Variants in JMJD1C observed in about 807,000 individuals in gnomAD.
The protein encoded by JMJD1C is jumonji domain containing 1C, also known as jumonji domain-containing protein 1C.
JMJD1C carries 31 observed loss-of-function variants against 245.3 expected under a neutral mutation model. The observed-to-expected ratio is 0.13, with a 90% CI of 0.09 to 0.17. The LOEUF is 0.17. JMJD1C is among the 10% of genes least tolerant of loss of function. JMJD1C has a pLI of 1.00. For missense variants in JMJD1C, 2,691 were observed against 3,000.2 expected (o/e 0.90, Z 2.41); for synonymous variants, 1,057 against 1,017.4 (o/e 1.04, Z -0.74).
chr10:63,380,474 C>T lies in JMJD1C; in HGVS notation c.177G>A (p.Val59=). Residue 59 remains valine (V), a synonymous_variant, in exon 2 of 26, where the codon GTG becomes GTA. Coordinates refer to ENST00000399262, the MANE Select transcript of JMJD1C (RefSeq NM_032776.3). ...DSRNPDLAVY[V]EFDDLEWDKR... ...TATCCCATTCAAGATCATCAAATTCCACATACACCTATGAAAACAAAAACA... is the reference window on the plus strand; with the variant it reads ...TATCCCATTCAAGATCATCAAATTCTACATACACCTATGAAAACAAAAACA... 6.2e-7 allele frequency: 1 copy of T among 1,609,460 alleles called. No homozygotes were observed. The highest frequency in any genetic ancestry group is 8.5e-7 in the Non-Finnish European group (1 of 1,178,278).
chr10:63,516,520 T>C (rs936794417), intron 1 of JMJD1C, among the ~76,000 whole-genome samples: 3 of 152,228 alleles, frequency 2.0e-5, no homozygotes, highest in Non-Finnish European at 4.4e-5. Context: ...ATTTAATCTA[T>C]TCTATTTTAA....
At chr10:63,440,365 TAGAGAGAG>T (rs56364516) in intron 1 of JMJD1C, among the ~76,000 whole-genome samples, 3 of 138,250 alleles carry the variant, frequency 2.2e-5, no homozygotes, top group African/African-American at 2.7e-5. Flanking sequence ...TATATATATA[TAGAGAGAG>T]AGAGAGAGAG....
chr10:63,354,092 G>A (rs1944598138), intron 2 of JMJD1C, among the ~76,000 whole-genome samples: 1 of 152,120 alleles, frequency 6.6e-6, no homozygotes, highest in South Asian at 2.1e-4. Flanking sequence ...GCCCGCCTTG[G>A]CCTCCCAAAG....
At chr10:63,259,382 A>G (rs958444564) in intron 3 of JMJD1C, among the ~76,000 whole-genome samples, 1 of 152,072 alleles carries the variant, frequency 6.6e-6, no homozygotes, top group Non-Finnish European at 1.5e-5. Context: ...GCAATTCCAA[A>G]TGCCATAGGA....
chr10:63,338,578 G>A (rs1200701702), intron 2 of JMJD1C, among the ~76,000 whole-genome samples: 1 of 150,800 alleles, frequency 6.6e-6, no homozygotes, highest in Non-Finnish European at 1.5e-5. Context: ...GACTACACAT[G>A]CTACATTAGC....
At chr10:63,519,895 T>C (rs1052282062) in intron 1 of JMJD1C, among the ~76,000 whole-genome samples, 1 of 152,198 alleles carries the variant, frequency 6.6e-6, no homozygotes, top group Non-Finnish European at 1.5e-5. Context: ...ATATTCAAAT[T>C]CATTTGAGTT....
intron 2 of JMJD1C, among the ~76,000 whole-genome samples, chr10:63,342,902 T>C (rs528274571): frequency 4.3e-4 from 66 of 152,306 alleles, no homozygotes; most frequent in Middle Eastern, 3.4e-3. Flanking sequence ...AGGTTATGTA[T>C]ATAAGGTGTA....
Position 63,493,416 on chromosome 10 carries a change from C to T in JMJD1C, n.113+28322G>A, listed in dbSNP as rs182567054. Among the ~76,000 whole-genome samples, 86 of 151,468 alleles carry T rather than the reference C, an allele frequency of 5.7e-4. 2 individuals carry two copies. The East Asian group carries it at 0.013, about 23-fold the overall frequency. On this transcript the variant is annotated intron_variant and non_coding_transcript_variant, in intron 1 of 3. Transcript: ENST00000633035. ...CCTGCCTCCGCCTCATGAGTAGCTG[C>T]GATTATAGGCGTCAGCCACCACGCC...
At chr10:63,378,758 C>T (rs1251899835) in intron 2 of JMJD1C, among the ~76,000 whole-genome samples, 1 of 151,982 alleles carries the variant, frequency 6.6e-6, no homozygotes, top group African/African-American at 2.4e-5. Context: ...TAAATTGTAT[C>T]CAGTTTTTGG....
At chr10:63,254,659 G>C (rs1439897208) in intron 3 of JMJD1C, among the ~76,000 whole-genome samples, 2 of 151,602 alleles carry the variant, frequency 1.3e-5, no homozygotes, top group Non-Finnish European at 2.9e-5. Flanking sequence ...TCCCATCCCC[G>C]CCTCCCAAGT....
chr10:63,214,632 A>T lies in JMJD1C; in HGVS notation c.1535T>A (p.Ile512Asn). 6.2e-7 allele frequency: 1 copy of T among 1,614,152 alleles called. No individual in the cohort carries two copies. Among genetic ancestry groups the T allele is most frequent in the Non-Finnish European group, 8.5e-7 (1 of 1,180,006 alleles). ...CTTTTCTAAATTAGTGTCATTTGTA[A>T]TATCAATAACACATTTTGGTGTGGG... ...RPPTPKCVID[I>N]TNDTNLEKVA... The change falls in exon 8 of 26, where the codon ATT becomes AAT. Residue 512 changes from isoleucine (I) to asparagine (N), a missense_variant. By Grantham distance (149) the Ile-to-Asn change is moderately radical (BLOSUM62 -3). This residue lies in a region of JMJD1C where 1,562 missense variants were observed against 1,490.7 expected (regional missense o/e 1.05). Transcript: ENST00000399262.
chr10:63,493,686 A>T (rs1010426084), intron 1 of JMJD1C, among the ~76,000 whole-genome samples: 8 of 152,232 alleles, frequency 5.3e-5, no homozygotes, highest in Admixed American at 5.2e-4. Context: ...TTAGATAATA[A>T]ATTCAACAGC....
chr10:63,202,528 A>G lies in JMJD1C; in HGVS notation c.5075-1851T>C, dbSNP rs924991371. 11 of 985,322 alleles carry G rather than the reference A, an allele frequency of 1.1e-5. No homozygotes were observed. In the East Asian group the frequency reaches 1.0e-3, roughly 91 times the overall value. 61.0% of individuals were successfully genotyped at this position (985,322 alleles called of 1,614,324 possible). ...ACAAAGCACTGTGTTTAAATAAACCATATAGAGTGACCCATTTGAAATCAG... is the reference window on the plus strand; with the variant it reads ...ACAAAGCACTGTGTTTAAATAAACCGTATAGAGTGACCCATTTGAAATCAG... On this transcript the variant is annotated intron_variant, in intron 10 of 25. Transcript: ENST00000399262.
At chr10:63,458,484 TAA>T (rs766071325) in intron 1 of JMJD1C, among the ~76,000 whole-genome samples, 19 of 141,342 alleles carry the variant, frequency 1.3e-4, no homozygotes, top group Admixed American at 1.4e-4. Context: ...ACCCTGTCTT[TAA>T]AAAAAAAAAA....
At chr10:63,404,316 C>T (rs1428981345) in intron 1 of JMJD1C, among the ~76,000 whole-genome samples, 2 of 151,990 alleles carry the variant, frequency 1.3e-5, no homozygotes, top group Middle Eastern at 3.2e-3. Flanking sequence ...TCAAAACAAA[C>T]GAGACCAAAA....
chr10:63,299,701 CAT>C (rs1018265727), intron 2 of JMJD1C, among the ~76,000 whole-genome samples: 1 of 152,024 alleles, frequency 6.6e-6, no homozygotes, highest in African/African-American at 2.4e-5. Context: ...TTGGCAAAAA[CAT>C]AAAAACGATT....
At chr10:63,359,317 A>G (rs1319507008) in intron 2 of JMJD1C, among the ~76,000 whole-genome samples, 2 of 152,264 alleles carry the variant, frequency 1.3e-5, no homozygotes, top group East Asian at 1.9e-4. Context: ...TATCATGGTA[A>G]TAACCACATA....
chr10:63,477,297 GA>G (rs1953692832), intron 1 of JMJD1C, among the ~76,000 whole-genome samples: 1 of 151,624 alleles, frequency 6.6e-6, no homozygotes, highest in Admixed American at 6.6e-5. Context: ...ATTTCAGAAT[GA>G]AAAAATTGGA....
intron 10 of JMJD1C, chr10:63,204,064 A>G (rs1846323308): frequency 4.5e-6 from 4 of 885,744 alleles, no homozygotes; most frequent in South Asian, 1.0e-4. Context: ...GCTGTGCACT[A>G]TGGTTACACC....
Sources: gnomAD v4.1 joint callset for allele counts (sites outside exome capture counted in the v4.1 genomes callset) on GRCh38, gnomAD v4.1.1 for gene constraint, gnomAD v4.1.1 regional missense constraint, MANE v1.5 for transcripts, NCBI Gene and HGNC (gene_info 2026-07-23, HGNC 2026-07-21) for gene names.